The following RFFL variants were observed in gnomAD, a reference collection of about 807,000 sequenced individuals.
RFFL encodes E3 ubiquitin-protein ligase rififylin.
Under a neutral mutation model 40.4 loss-of-function variants are expected in RFFL, and 16 were observed. The ratio of observed to expected loss-of-function variants is 0.40; its 90% CI spans 0.27 to 0.60. The LOEUF (loss-of-function observed/expected upper bound fraction) is 0.60. RFFL is among the 20% of genes least tolerant of loss of function. RFFL has a pLI of 0.47. For synonymous variants in RFFL, 154 were observed against 167.9 expected, an observed-to-expected ratio of 0.92 and a Z score of 0.64; for missense variants, 367 against 451.7, an observed-to-expected ratio of 0.81 and a Z score of 1.70.
chr17:35,083,617 CA>C (rs1192688236), intron 1 of RFFL, among the ~76,000 whole-genome samples: 3 of 151,646 alleles, frequency 2.0e-5, no homozygotes, highest in Non-Finnish European at 2.9e-5. Flanking sequence ...CCCATCCCTA[CA>C]AAAAATACAA....
At position 35,021,488 on chromosome 17, in the gene RFFL, C is replaced by T; in HGVS notation, c.474G>A (p.Gln158=). Residue 158 remains glutamine, a synonymous_variant, in exon 3 of 7, where the codon CAG becomes CAA. Transcript: ENST00000394597. Reference sequence around the variant, plus strand: ...AGTGAGGCTGGGTCAGGAAGGCCTGCTGCTCAGGAAAGTCTGGGGACAAGG... The same window carrying T: ...AGTGAGGCTGGGTCAGGAAGGCCTGTTGCTCAGGAAAGTCTGGGGACAAGG... The part of the protein sequence containing the change: ...ASTLSPDFPE[Q]QAFLTQPHSS... 6.3e-7 allele frequency: 1 copy of T among 1,589,690 alleles called. No homozygotes were observed. The highest frequency in any genetic ancestry group is 8.6e-7 in the Non-Finnish European group (1 of 1,168,700).
rs149015390 is a variant in RFFL at position 35,078,883 on chromosome 17, G to T, written c.-9+10222C>A. The stretch of plus-strand genomic sequence containing the variant: ...TGGTCCCAGCTACTCAGGAGGCTAA[G>T]ATGGGAGAATCACGTGAACCCAGGA... On this transcript the variant is annotated intron_variant, in intron 1 of 6. Coordinates refer to the RFFL transcript ENST00000315249. 3.4e-3 allele frequency among the ~76,000 whole-genome samples: 518 copies of T among 151,758 alleles called. 4 individuals are homozygous for T. Among genetic ancestry groups the T allele is most frequent in the South Asian group, 0.024 (114 of 4,806 alleles).
intron 1 of RFFL, among the ~76,000 whole-genome samples, chr17:35,032,507 T>C (rs1030984207): frequency 6.6e-6 from 1 of 151,966 alleles, no homozygotes; most frequent in Non-Finnish European, 1.5e-5. Context: ...ACAGAATAGA[T>C]GGTGGAATTA....
At chr17:35,052,846 GGAGAC>G (rs1436829761) in intron 1 of RFFL, among the ~76,000 whole-genome samples, 4 of 152,172 alleles carry the variant, frequency 2.6e-5, no homozygotes, top group Non-Finnish European at 5.9e-5. Flanking sequence ...GTGCCACAAA[GGAGAC>G]ATAAAAGAGA....
chr17:35,057,084 A>C (rs903644281), intron 1 of RFFL, among the ~76,000 whole-genome samples: 1 of 151,576 alleles, frequency 6.6e-6, no homozygotes, highest in Non-Finnish European at 1.5e-5. Flanking sequence ...CCTGGCTAAA[A>C]TTTTTTATAT....
At chr17:35,041,986 G>T (rs754254488) in intron 1 of RFFL, among the ~76,000 whole-genome samples, 1 of 152,096 alleles carries the variant, frequency 6.6e-6, no homozygotes, top group Admixed American at 6.5e-5. Context: ...CTGCACTCCA[G>T]CCTGGGCCAC....
intron 1 of RFFL, among the ~76,000 whole-genome samples, chr17:35,038,789 ATTGT>A (rs2091143119): frequency 2.6e-5 from 4 of 152,210 alleles, no homozygotes; most frequent in Admixed American, 2.6e-4. Flanking sequence ...TTCTGGTAAC[ATTGT>A]TTCTTACTCT....
chr17:35,089,191 G>A (rs1567720989), exon 1 of RFFL: 1 of 152,092 alleles, frequency 6.6e-6, no homozygotes, highest in Non-Finnish European at 1.5e-5. Context: ...CAGGCAGGGA[G>A]GCTGCGGACT....
At chr17:35,025,596 T>G (rs950428834) in intron 2 of RFFL, among the ~76,000 whole-genome samples, 1 of 152,276 alleles carries the variant, frequency 6.6e-6, no homozygotes, top group Admixed American at 6.5e-5. Flanking sequence ...AAATTTCCCA[T>G]GATCACCATT....
At chr17:35,069,184 C>T in intron 1 of RFFL, 1 of 453,504 alleles carries the variant, frequency 2.2e-6, no homozygotes, top group South Asian at 1.6e-5. Flanking sequence ...TCTCCTAATA[C>T]ACACACTCAC....
chr17:35,056,375 CTTT>C (rs71147455), intron 1 of RFFL, among the ~76,000 whole-genome samples: 2 of 120,708 alleles, frequency 1.7e-5, no homozygotes, highest in Admixed American at 8.3e-5. Flanking sequence ...TTTACTTCTA[CTTT>C]TTTTTTTTTT....
At chr17:35,013,915 T>A (rs1005390600) in intron 6 of RFFL, among the ~76,000 whole-genome samples, 1 of 152,150 alleles carries the variant, frequency 6.6e-6, no homozygotes, top group Admixed American at 6.5e-5. Context: ...GCTCAACTGT[T>A]TTTTATGTCT....
At chr17:35,069,255 A>AC (rs1567715854) in intron 1 of RFFL, 1 of 456,570 alleles carries the variant, frequency 2.2e-6, no homozygotes, top group Non-Finnish European at 4.4e-6. Flanking sequence ...CTAAACGTCT[A>AC]CCCTGGTTTC....
At chr17:35,073,384 A>G (rs2091360616) in intron 1 of RFFL, among the ~76,000 whole-genome samples, 1 of 152,218 alleles carries the variant, frequency 6.6e-6, no homozygotes. Context: ...TCCAAAAACC[A>G]CAGCAATTAG....
intron 1 of RFFL, among the ~76,000 whole-genome samples, chr17:35,047,770 A>G (rs1461772654): frequency 6.7e-6 from 1 of 149,188 alleles, no homozygotes. Flanking sequence ...TTTTTTTTTA[A>G]ATACAGAGTC....
intron 1 of RFFL, among the ~76,000 whole-genome samples, chr17:35,043,917 A>T (rs1020263108): frequency 2.0e-5 from 3 of 152,208 alleles, no homozygotes; most frequent in Non-Finnish European, 4.4e-5. Flanking sequence ...TATACATCCC[A>T]TAAGTCATCT....
chr17:35,029,503 C>T (rs2091066990), intron 1 of RFFL, among the ~76,000 whole-genome samples: 1 of 148,592 alleles, frequency 6.7e-6, no homozygotes, highest in African/African-American at 2.5e-5. Context: ...GTCATCATGC[C>T]CAGCTAATTT....
Position 35,010,825 on chromosome 17 carries a change from C to T in RFFL, c.*1143G>A, listed in dbSNP as rs1200251391. 1 of 152,036 alleles carries T rather than the reference C, an allele frequency of 6.6e-6. No individual in the cohort carries two copies. Among genetic ancestry groups the T allele is most frequent in the Non-Finnish European group, 1.5e-5 (1 of 68,042 alleles). The allele number at this position is 152,036 out of a possible 1,614,324, so 9.4% of individuals were successfully genotyped here. On this transcript the variant is annotated 3_prime_UTR_variant, in exon 7 of 7. Coordinates refer to ENST00000394597, the MANE Select transcript of RFFL (RefSeq NM_001017368.2). ...AGGAAAGGGAATGAAAGTAGGGTCTCCTCACTCCCCACCAACCTGGGAAAT... is the reference window on the plus strand; with the variant it reads ...AGGAAAGGGAATGAAAGTAGGGTCTTCTCACTCCCCACCAACCTGGGAAAT...
chr17:35,085,203 G>A (rs1375505694), intron 1 of RFFL, among the ~76,000 whole-genome samples: 1 of 151,956 alleles, frequency 6.6e-6, no homozygotes, highest in Admixed American at 6.6e-5. Flanking sequence ...TACTCAAAAG[G>A]CTAAAGCTGC....
Sources: allele counts gnomAD v4.1 joint callset (sites outside exome capture counted in the v4.1 genomes callset), GRCh38; gene constraint gnomAD v4.1.1; transcripts MANE v1.5; gene names NCBI Gene and HGNC (gene_info 2026-07-23, HGNC 2026-07-21).